The following PARD3B variants were observed in gnomAD, a reference collection of about 807,000 sequenced individuals.
The protein encoded by PARD3B is par-3 family cell polarity regulator beta.
A neutral mutation model predicts 130.2 loss-of-function variants in PARD3B; 103 were observed. The ratio of observed to expected loss-of-function variants is 0.79; its 90% confidence interval spans 0.67 to 0.93. The LOEUF is 0.93. Among genes scored for constraint, PARD3B ranks in the 40% least tolerant of loss-of-function variants. PARD3B has a pLI of 0.00. For missense variants in PARD3B, 1,609 were observed against 1,499.2 expected (o/e 1.07, Z -1.21); for synonymous variants, 583 against 553.2 (o/e 1.05, Z -0.76).
intron 2 of PARD3B, among the ~76,000 whole-genome samples, chr2:204,844,264 T>C (rs763188628): frequency 1.3e-5 from 2 of 152,148 alleles, no homozygotes; most frequent in African/African-American, 2.4e-5. Flanking sequence ...TTATCATTCA[T>C]TGATGTCTGA....
intron 1 of PARD3B, among the ~76,000 whole-genome samples, chr2:204,600,647 A>G (rs2033473059): frequency 6.6e-6 from 1 of 150,738 alleles, no homozygotes; most frequent in South Asian, 2.1e-4. Context: ...AAATTTTTAA[A>G]TGAAGTTTGC....
rs1373419391 is a variant in PARD3B at position 205,589,362 on chromosome 2, G to A, written c.3261-26094G>A. 3.2e-4 allele frequency among the ~76,000 whole-genome samples: 49 copies of A among 152,158 alleles called. No individual in the cohort carries two copies. The highest frequency in any genetic ancestry group is 3.2e-3 in the Admixed American group (49 of 15,270). The stretch of plus-strand genomic sequence containing the variant: ...ATCAAATCACTATGCCACAGGATGA[G>A]ATTAAATCTCACCACAGGATCTCAC... On this transcript the variant is annotated intron_variant, in intron 22 of 22. Coordinates refer to ENST00000406610, the MANE Select transcript of PARD3B (RefSeq NM_001302769.2). This position sits in a 1 kb window ranked among gnomAD's most constrained non-coding sequence, Gnocchi z 4.1.
At chr2:205,518,543 C>T (rs1475060292) in intron 21 of PARD3B, among the ~76,000 whole-genome samples, 1 of 152,084 alleles carries the variant, frequency 6.6e-6, no homozygotes. Flanking sequence ...GCTTACCATT[C>T]TGTGCCTTTT....
chr2:204,697,953 A>G (rs2037694837), intron 2 of PARD3B, among the ~76,000 whole-genome samples: 1 of 152,000 alleles, frequency 6.6e-6, no homozygotes, highest in Non-Finnish European at 1.5e-5. Context: ...CTTGTGGGAG[A>G]AATTTTCTCC....
intron 20 of PARD3B, among the ~76,000 whole-genome samples, chr2:205,465,482 C>T (rs571460963): frequency 2.6e-5 from 4 of 152,250 alleles, no homozygotes; most frequent in Non-Finnish European, 4.4e-5. Context: ...CTATAAAACT[C>T]GATTTCATTA....
chr2:204,757,895 G>A (rs1410318221), intron 2 of PARD3B, among the ~76,000 whole-genome samples: 1 of 152,122 alleles, frequency 6.6e-6, no homozygotes, highest in Non-Finnish European at 1.5e-5. Flanking sequence ...TAAAACTTCA[G>A]GGAATAGTGG....
At chr2:205,383,949 A>G (rs992475537) in intron 18 of PARD3B, among the ~76,000 whole-genome samples, 5 of 152,096 alleles carry the variant, frequency 3.3e-5, no homozygotes, top group African/African-American at 1.2e-4. Context: ...TCTAATGTTT[A>G]TATTTATAAA....
chr2:205,493,233 TA>T (rs2049789869), intron 20 of PARD3B, among the ~76,000 whole-genome samples: 1 of 152,126 alleles, frequency 6.6e-6, no homozygotes, highest in Admixed American at 6.6e-5. Flanking sequence ...CCCTGTTTTC[TA>T]AGACAGAACT....
chr2:204,659,995 A>T (rs945429111), intron 1 of PARD3B, among the ~76,000 whole-genome samples: 2 of 152,164 alleles, frequency 1.3e-5, no homozygotes. Context: ...TTCAGTCTAC[A>T]TGGGGACCTC....
intron 3 of PARD3B, among the ~76,000 whole-genome samples, chr2:204,975,576 G>A (rs138993118): frequency 7.2e-5 from 11 of 152,292 alleles, no homozygotes; most frequent in South Asian, 2.1e-4. Flanking sequence ...TAGTCTGGAC[G>A]TACTTCTTAC....
chr2:205,613,678 T>C (rs547850169), intron 22 of PARD3B, among the ~76,000 whole-genome samples: 64 of 152,346 alleles, frequency 4.2e-4, no homozygotes, highest in Non-Finnish European at 8.4e-4. Context: ...AAACTCTAAC[T>C]AAATTACCCC....
chr2:204,625,078 G>A (rs998114633), intron 1 of PARD3B, among the ~76,000 whole-genome samples: 35 of 151,728 alleles, frequency 2.3e-4, no homozygotes, highest in African/African-American at 8.2e-4. Flanking sequence ...TGTTTTCTAC[G>A]GTTGCATTTT....
At chr2:205,409,944 A>G (rs1389225699) in intron 19 of PARD3B, among the ~76,000 whole-genome samples, 1 of 152,214 alleles carries the variant, frequency 6.6e-6, no homozygotes, top group Non-Finnish European at 1.5e-5. Context: ...TGGTTGTAAT[A>G]TAAACGTATT....
At chr2:204,611,508 C>G (rs1005041110) in intron 1 of PARD3B, among the ~76,000 whole-genome samples, 2 of 152,038 alleles carry the variant, frequency 1.3e-5, no homozygotes, top group Admixed American at 1.3e-4. Flanking sequence ...GAGATTGTCT[C>G]GTGGTATGTA....
At chr2:205,036,238 T>A (rs975296037) in intron 3 of PARD3B, among the ~76,000 whole-genome samples, 1 of 145,914 alleles carries the variant, frequency 6.9e-6, no homozygotes, top group African/African-American at 2.5e-5. Context: ...GTGGGCTATA[T>A]ATATAAATAT....
chr2:205,260,800 A>C (rs1221331211), intron 16 of PARD3B, among the ~76,000 whole-genome samples: 1 of 151,998 alleles, frequency 6.6e-6, no homozygotes, highest in Non-Finnish European at 1.5e-5. Context: ...ATTTTCTTAG[A>C]CTGGCTTTGC....
intron 2 of PARD3B, among the ~76,000 whole-genome samples, chr2:204,955,927 G>T (rs1479002940): frequency 6.6e-6 from 1 of 152,150 alleles, no homozygotes; most frequent in East Asian, 1.9e-4. Context: ...GATAATTATG[G>T]CAGACTTAAA....
chr2:204,706,741 T>G (rs971546364), intron 2 of PARD3B, among the ~76,000 whole-genome samples: 3 of 152,006 alleles, frequency 2.0e-5, no homozygotes, highest in Non-Finnish European at 4.4e-5. Flanking sequence ...AATTGGAAAT[T>G]TTTTTGATTT....
chr2:205,554,509 TAA>T (rs1314983435), intron 22 of PARD3B, among the ~76,000 whole-genome samples: 1 of 152,252 alleles, frequency 6.6e-6, no homozygotes, highest in Non-Finnish European at 1.5e-5. Context: ...AAAACTTTTA[TAA>T]AGTTATATTT....
Sources: allele counts gnomAD v4.1 joint callset (sites outside exome capture counted in the v4.1 genomes callset), GRCh38; gene constraint gnomAD v4.1.1; non-coding constraint Gnocchi (gnomAD v3.1); transcripts MANE v1.5; gene names NCBI Gene and HGNC (gene_info 2026-07-23, HGNC 2026-07-21).